The following POLR3B variants were observed in gnomAD, a reference collection of about 807,000 sequenced individuals.
POLR3B encodes the protein DNA-directed RNA polymerase III subunit RPC2.
Under a neutral mutation model 147.4 loss-of-function variants are expected in POLR3B, and 96 were observed. The observed-to-expected ratio is 0.65, with a 90% CI of 0.55 to 0.77. The LOEUF (loss-of-function observed/expected upper bound fraction) is 0.77, where lower values mean the gene tolerates loss of function less well. Ranked by LOEUF, POLR3B falls within the 30% of genes least tolerant of loss-of-function variation. The probability of loss-of-function intolerance (pLI) is 0.00; values close to 1 mark genes in which losing one functional copy is unlikely to be tolerated. For synonymous variants in POLR3B, 461 were observed against 485.9 expected (o/e 0.95, Z 0.67); for missense variants, 1,036 against 1,413.5 (o/e 0.73, Z 4.28).
intron 22 of POLR3B, among the ~76,000 whole-genome samples, chr12:106,462,168 T>TCTGC (rs2037947583): frequency 6.6e-6 from 1 of 152,216 alleles, no homozygotes; most frequent in South Asian, 2.1e-4. Flanking sequence ...ACTGTGGCCC[T>TCTGC]CTGCTCTGCC....
rs531028095 is a variant in POLR3B, at chr12:106,410,713, A to G, written c.967-113A>G. 1.6e-5 allele frequency: 15 copies of G among 909,584 alleles called. No homozygotes were observed. The Middle Eastern group carries it at 8.8e-4, about 54-fold the overall frequency. 56.3% of individuals were successfully genotyped at this position (909,584 alleles called of 1,614,324 possible). On this transcript the variant is annotated intron_variant, in intron 11 of 27. Transcript: ENST00000228347. The stretch of plus-strand genomic sequence containing the variant: ...TGAATTTATTTGAATGGAGAGAATC[A>G]TAACAATTCAGTATTTTCTTAGTTG...
intron 10 of POLR3B, among the ~76,000 whole-genome samples, chr12:106,401,185 A>G (rs2037060663): frequency 6.6e-6 from 1 of 152,240 alleles, no homozygotes; most frequent in Non-Finnish European, 1.5e-5. Context: ...ATCAGAGAAT[A>G]CTATAAACAT....
intron 7 of POLR3B, among the ~76,000 whole-genome samples, chr12:106,377,270 G>GTA (rs1261985201): frequency 1.3e-5 from 2 of 152,044 alleles, no homozygotes; most frequent in Admixed American, 1.3e-4. Context: ...TCTTTAACTC[G>GTA]TATTTCACAT....
At chr12:106,445,520 G>A (rs1275086535) in intron 19 of POLR3B, among the ~76,000 whole-genome samples, 2 of 152,038 alleles carry the variant, frequency 1.3e-5, no homozygotes, top group African/African-American at 2.4e-5. Flanking sequence ...GCGTGAAGGG[G>A]AGGTGCCATA....
intron 4 of POLR3B, 106 bp downstream of exon 4, chr12:106,366,828 C>T: frequency 1.0e-6 from 1 of 967,340 alleles, no homozygotes; most frequent in Non-Finnish European, 1.6e-6. Flanking sequence ...CTTGGCCAGG[C>T]TCGGTGGCTT....
chr12:106,395,187 G>C (rs1407303288), intron 10 of POLR3B, among the ~76,000 whole-genome samples: 2 of 152,080 alleles, frequency 1.3e-5, no homozygotes, highest in African/African-American at 4.8e-5. Context: ...ACCCATGATT[G>C]TGCCACCCCA....
rs11112960 is a variant in POLR3B, at chr12:106,383,657, C to A, written c.723+3518C>A. ...TCTCTTACGAGCACGGTTTGTGGCA[C>A]CCCAAAACAGTTAAAATAGTAACGT... is the stretch of plus-strand genomic sequence containing the variant. On this transcript the variant is annotated intron_variant, in intron 9 of 27. Coordinates refer to ENST00000228347, the MANE Select transcript of POLR3B (RefSeq NM_018082.6). Among the ~76,000 whole-genome samples the A allele has an allele frequency of 7.5e-3, 1,136 of 152,094 alleles. 32 individuals carry two copies. The highest frequency in any genetic ancestry group is 0.073 in the East Asian group (379 of 5,164).
intron 9 of POLR3B, among the ~76,000 whole-genome samples, 192 bp downstream of exon 9, chr12:106,380,331 T>C (rs542588027): frequency 6.6e-6 from 1 of 150,410 alleles, no homozygotes; most frequent in East Asian, 2.0e-4. Context: ...CCCAACACTT[T>C]GGGAGGCCAA....
chr12:106,393,960 A>G (rs371849696), intron 10 of POLR3B, among the ~76,000 whole-genome samples: 1 of 152,198 alleles, frequency 6.6e-6, no homozygotes, highest in Admixed American at 6.5e-5. Flanking sequence ...ATTCCCCACT[A>G]TAGAATCACA....
chr12:106,405,945 T>C lies in POLR3B; in HGVS notation c.935T>C (p.Leu312Pro). 1.9e-6 allele frequency: 3 copies of C among 1,613,728 alleles called. No individual in the cohort carries two copies. The highest frequency in any genetic ancestry group is 2.5e-6 in the Non-Finnish European group (3 of 1,179,676). The change falls in exon 11 of 28, where the codon CTC becomes CCC. Residue 312 changes from leucine to proline, a missense_variant. Coordinates refer to ENST00000228347, the MANE Select transcript of POLR3B (RefSeq NM_018082.6). ...ACCAAAATAGAAGAAGCAAGAGAGC[T>C]CCTGGCTTCCACCATTCTGACCCAT... Reference protein sequence around the residue: ...KKTKIEEARELLASTILTHVP... With the variant: ...KKTKIEEAREPLASTILTHVP...
Position 106,400,013 on chromosome 12 carries a change from G to A in POLR3B, c.847-5844G>A, listed in dbSNP as rs565809742. Reference sequence around the variant, plus strand: ...AACTTTGAATGTAAATGGGCTAAATGCTCCAATTAAAAGACACAGACTGGC... The same window carrying A: ...AACTTTGAATGTAAATGGGCTAAATACTCCAATTAAAAGACACAGACTGGC... On this transcript the variant is annotated intron_variant, in intron 10 of 27. Transcript: ENST00000228347. 5.3e-5 allele frequency among the ~76,000 whole-genome samples: 8 copies of A among 152,318 alleles called. No homozygotes were observed. The South Asian group carries it at 1.7e-3, about 32-fold the overall frequency.
chr12:106,488,276 T>C (rs948280788), intron 23 of POLR3B, among the ~76,000 whole-genome samples: 4 of 152,220 alleles, frequency 2.6e-5, no homozygotes, highest in African/African-American at 9.7e-5. Flanking sequence ...GCAGTGAGTC[T>C]GCATCCCCCC....
chr12:106,454,475 A>G (rs746710585), intron 19 of POLR3B, 27 bp from the exon 20 acceptor site: 49 of 1,057,348 alleles, frequency 4.6e-5, no homozygotes, highest in Admixed American at 6.8e-5. Context: ...AGAATGTTGT[A>G]TTTTGTTTTC....
Position 106,476,823 on chromosome 12 carries a change from G to A in POLR3B, c.2713+13203G>A, listed in dbSNP as rs903575296. 4.1e-4 allele frequency among the ~76,000 whole-genome samples: 62 copies of A among 151,970 alleles called. 2 individuals are homozygous for A. Among genetic ancestry groups the A allele is most frequent in the Admixed American group, 1.7e-3 (26 of 15,274 alleles). ...TTGCCTTTGGTTTGAATGTCCTCCC[G>A]TAGCTCAGAGTAATTTGATCGTCTG... On this transcript the variant is annotated intron_variant, in intron 23 of 27. Transcript: ENST00000228347.
chr12:106,407,886 T>A (rs952131182), intron 11 of POLR3B, among the ~76,000 whole-genome samples: 7 of 152,162 alleles, frequency 4.6e-5, no homozygotes, highest in Non-Finnish European at 7.3e-5. Context: ...AATTACCATT[T>A]TAAAAGTTTG....
chr12:106,444,738 T>C, intron 19 of POLR3B, 148 bp downstream of exon 19: 1 of 806,948 alleles, frequency 1.2e-6, no homozygotes, highest in Middle Eastern at 3.2e-4. Context: ...GGGAGTTGCC[T>C]ATGGAACTCT....
intron 23 of POLR3B, among the ~76,000 whole-genome samples, chr12:106,480,949 G>C (rs1565910494): frequency 6.6e-6 from 1 of 152,192 alleles, no homozygotes; most frequent in Non-Finnish European, 1.5e-5. Flanking sequence ...AGTTTAGGCA[G>C]AGTGGTTGGG....
chr12:106,401,149 G>C (rs1043717593), intron 10 of POLR3B, among the ~76,000 whole-genome samples: 16 of 152,196 alleles, frequency 1.1e-4, no homozygotes, highest in East Asian at 3.9e-4. Context: ...GATATCACCA[G>C]CGATCCCACA....
intron 23 of POLR3B, among the ~76,000 whole-genome samples, chr12:106,467,547 G>C (rs533362667): frequency 6.6e-6 from 1 of 152,264 alleles, no homozygotes; most frequent in East Asian, 1.9e-4. Flanking sequence ...CAAAGGGAAT[G>C]CTTCCAGTTT....
Sources: gnomAD v4.1 joint callset for allele counts (sites outside exome capture counted in the v4.1 genomes callset) on GRCh38, gnomAD v4.1.1 for gene constraint, MANE v1.5 for transcripts, NCBI Gene and HGNC (gene_info 2026-07-23, HGNC 2026-07-21) for gene names.